The following RAP1GDS1 variants were observed in gnomAD, a reference collection of about 807,000 sequenced individuals.
The protein encoded by RAP1GDS1 is Rap1 GTPase-GDP dissociation stimulator 1.
In RAP1GDS1, 35 loss-of-function variants were observed where a neutral mutation model predicts 71.1. The ratio of observed to expected loss-of-function variants is 0.49; its 90% CI spans 0.38 to 0.65. The LOEUF is 0.65. Among genes scored for constraint, RAP1GDS1 ranks in the 30% least tolerant of loss-of-function variants. The pLI is 0.00. For missense variants in RAP1GDS1, 663 were observed against 706.1 expected, an observed-to-expected ratio of 0.94 and a Z score of 0.69; for synonymous variants, 229 against 243.1, an observed-to-expected ratio of 0.94 and a Z score of 0.54.
At chr4:98,325,485 T>C (rs1204305895) in intron 2 of RAP1GDS1, among the ~76,000 whole-genome samples, 101 of 151,220 alleles carry the variant, frequency 6.7e-4, no homozygotes, top group Middle Eastern at 3.4e-3. Context: ...ATGTTTATTG[T>C]GGCATTATTC....
intron 4 of RAP1GDS1, among the ~76,000 whole-genome samples, chr4:98,363,524 C>T (rs907560054): frequency 6.7e-6 from 1 of 148,158 alleles, no homozygotes; most frequent in Non-Finnish European, 1.5e-5. Flanking sequence ...ATTGTAAAGC[C>T]CTGAGAGGGC....
At chr4:98,413,525 C>T (rs1158877807) in intron 7 of RAP1GDS1, among the ~76,000 whole-genome samples, 3 of 152,082 alleles carry the variant, frequency 2.0e-5, no homozygotes, top group Admixed American at 2.0e-4. Flanking sequence ...CAATTTCATC[C>T]ATGTCACTAC....
chr4:98,300,582 G>A (rs764036498), intron 2 of RAP1GDS1, among the ~76,000 whole-genome samples: 1 of 151,956 alleles, frequency 6.6e-6, no homozygotes, highest in Non-Finnish European at 1.5e-5. Flanking sequence ...TGTATTTTTA[G>A]TAGAGATGGT....
chr4:98,344,901 T>C (rs1239224056), intron 3 of RAP1GDS1, among the ~76,000 whole-genome samples: 10 of 152,210 alleles, frequency 6.6e-5, no homozygotes, highest in African/African-American at 2.2e-4. Flanking sequence ...CACGGTTCAC[T>C]GCAGCCTTGA....
intron 2 of RAP1GDS1, among the ~76,000 whole-genome samples, chr4:98,302,565 G>A (rs1473842980): frequency 6.6e-6 from 1 of 152,154 alleles, no homozygotes; most frequent in Non-Finnish European, 1.5e-5. Flanking sequence ...GTATTTAAAA[G>A]TACAAAGTTT....
At chr4:98,292,579 AAAC>A (rs974064439) in intron 1 of RAP1GDS1, among the ~76,000 whole-genome samples, 9 of 113,564 alleles carry the variant, frequency 7.9e-5, no homozygotes, top group African/African-American at 3.3e-4. Flanking sequence ...GAAAAAAAAA[AAAC>A]AATGCTATTC....
At chr4:98,441,072 G>A (rs1751796447) in intron 14 of RAP1GDS1, among the ~76,000 whole-genome samples, 1 of 152,216 alleles carries the variant, frequency 6.6e-6, no homozygotes, top group East Asian at 1.9e-4. Flanking sequence ...CAGTTAGTAT[G>A]AGAACTCCAG....
At chr4:98,366,268 G>A (rs531721634) in intron 4 of RAP1GDS1, among the ~76,000 whole-genome samples, 6 of 152,060 alleles carry the variant, frequency 3.9e-5, no homozygotes, top group African/African-American at 7.2e-5. Flanking sequence ...GGGAGTTTTC[G>A]TGCACAAGCT....
intron 6 of RAP1GDS1, among the ~76,000 whole-genome samples, chr4:98,393,042 C>G (rs1743963202): frequency 1.3e-5 from 2 of 152,124 alleles, no homozygotes. Context: ...TCTTCCTTCA[C>G]AACCCACAAT....
rs138314010 is a variant in RAP1GDS1, at chr4:98,372,248, C to T, written c.362-6769C>T. ...CGCGATCTCGGCTCACTGCAACCTC[C>T]GCCTCCTAGGTTCAAGCAATTCTTC... On this transcript the variant is annotated intron_variant, in intron 4 of 14. Transcript: ENST00000408927. Among the ~76,000 whole-genome samples, 895 of 152,208 alleles carry T rather than the reference C, an allele frequency of 5.9e-3. 11 individuals are homozygous for T. Among genetic ancestry groups the T allele is most frequent in the African/African-American group, 0.021 (860 of 41,534 alleles).
At chr4:98,389,206 G>A (rs750393401) in intron 5 of RAP1GDS1, among the ~76,000 whole-genome samples, 9 of 152,062 alleles carry the variant, frequency 5.9e-5, no homozygotes, top group Non-Finnish European at 1.0e-4. Context: ...CCTCTGAAAG[G>A]GTTCCAGGGA....
intron 2 of RAP1GDS1, among the ~76,000 whole-genome samples, chr4:98,314,597 T>C (rs1399414163): frequency 6.6e-6 from 1 of 152,086 alleles, no homozygotes; most frequent in Non-Finnish European, 1.5e-5. Context: ...TATTCTGTTA[T>C]AACTCTGTAA....
intron 4 of RAP1GDS1, among the ~76,000 whole-genome samples, chr4:98,374,980 C>T (rs1303262465): frequency 6.6e-6 from 1 of 152,150 alleles, no homozygotes; most frequent in Non-Finnish European, 1.5e-5. Context: ...AAATATTTCA[C>T]AGTGTTGTAT....
intron 1 of RAP1GDS1, among the ~76,000 whole-genome samples, chr4:98,282,024 A>G (rs892925273): frequency 6.6e-6 from 1 of 152,210 alleles, no homozygotes; most frequent in African/African-American, 2.4e-5. Flanking sequence ...TATTTTATTG[A>G]AGATGTTTGC....
chr4:98,360,770 C>T (rs557108711), intron 4 of RAP1GDS1, among the ~76,000 whole-genome samples: 4 of 152,102 alleles, frequency 2.6e-5, no homozygotes, highest in East Asian at 3.9e-4. Context: ...ATAAATGCTA[C>T]GTAAAAGTGA....
intron 2 of RAP1GDS1, among the ~76,000 whole-genome samples, chr4:98,339,456 C>T (rs1174242437): frequency 6.6e-6 from 1 of 152,052 alleles, no homozygotes; most frequent in Non-Finnish European, 1.5e-5. Flanking sequence ...TTGATTCCTG[C>T]AAACATTAAA....
At chr4:98,435,471 T>C (rs759392037) in intron 13 of RAP1GDS1, among the ~76,000 whole-genome samples, 11 of 152,182 alleles carry the variant, frequency 7.2e-5, no homozygotes, top group Non-Finnish European at 1.6e-4. Context: ...ATATATTTAC[T>C]ATTTATTAAG....
chr4:98,281,304 G>A (rs1269677147), intron 1 of RAP1GDS1, among the ~76,000 whole-genome samples: 1 of 152,140 alleles, frequency 6.6e-6, no homozygotes, highest in Admixed American at 6.5e-5. Context: ...GCGGTTTGTA[G>A]TTCTCCTTGA....
intron 1 of RAP1GDS1, among the ~76,000 whole-genome samples, chr4:98,287,320 G>A (rs2110266874): frequency 6.6e-6 from 1 of 152,288 alleles, no homozygotes; most frequent in Non-Finnish European, 1.5e-5. Flanking sequence ...TATTGATGAA[G>A]TTTAATTTTG....
Sources: gnomAD v4.1 joint callset for allele counts (sites outside exome capture counted in the v4.1 genomes callset) on GRCh38, gnomAD v4.1.1 for gene constraint, MANE v1.5 for transcripts, NCBI Gene and HGNC (gene_info 2026-07-23, HGNC 2026-07-21) for gene names.